The following MYO1B variants were observed in gnomAD, a reference collection of about 807,000 sequenced individuals.
The protein encoded by MYO1B is myosin IB.
A neutral mutation model predicts 159.7 loss-of-function variants in MYO1B; 72 were observed. That is an observed-to-expected ratio of 0.45 (90% CI 0.37 to 0.55). The LOEUF (loss-of-function observed/expected upper bound fraction) is 0.55, where lower values mean the gene tolerates loss of function less well. Ranked by LOEUF, MYO1B falls within the 20% of genes least tolerant of loss-of-function variation. The pLI, the probability that MYO1B is intolerant of heterozygous loss-of-function variation, is 0.00. For missense variants in MYO1B, 1,062 were observed against 1,364.8 expected, an observed-to-expected ratio of 0.78 and a Z score of 3.50; for synonymous variants, 468 against 473.8, an observed-to-expected ratio of 0.99 and a Z score of 0.16.
At chr2:191,299,123 T>C (rs181710409) in intron 3 of MYO1B, among the ~76,000 whole-genome samples, 80 of 152,276 alleles carry the variant, frequency 5.3e-4, no homozygotes, top group Non-Finnish European at 7.3e-4. Flanking sequence ...AGAAGTCTAT[T>C]CTAGGTCATA....
At chr2:191,383,152 C>G in intron 14 of MYO1B, 128 bp from the exon 15 acceptor site, 1 of 536,324 alleles carries the variant, frequency 1.9e-6, no homozygotes, top group East Asian at 4.1e-5. Context: ...TTTGCAGTAC[C>G]CATTCTATAA....
chr2:191,259,913 C>G (rs1686691905), intron 1 of MYO1B, among the ~76,000 whole-genome samples: 1 of 151,968 alleles, frequency 6.6e-6, no homozygotes, highest in Non-Finnish European at 1.5e-5. Flanking sequence ...AATGCAAGGT[C>G]CGGAGCTTAG....
chr2:191,361,346 G>T (rs1693659780), intron 8 of MYO1B, among the ~76,000 whole-genome samples: 1 of 152,132 alleles, frequency 6.6e-6, no homozygotes, highest in Admixed American at 6.6e-5. Flanking sequence ...TAAGAATAGT[G>T]GGGAAGACAT....
intron 2 of MYO1B, among the ~76,000 whole-genome samples, chr2:191,280,404 T>G (rs952366599): frequency 2.6e-5 from 4 of 152,236 alleles, no homozygotes; most frequent in Non-Finnish European, 5.9e-5. Context: ...ACTTTGTGAC[T>G]TACTGTCTGC....
chr2:191,307,466 G>A (rs1232533858), intron 3 of MYO1B, among the ~76,000 whole-genome samples: 3 of 152,018 alleles, frequency 2.0e-5, no homozygotes, highest in African/African-American at 7.3e-5. Context: ...CTGTATCTTG[G>A]GCTGACCTTC....
intron 3 of MYO1B, 105 bp downstream of exon 3, chr2:191,296,331 A>G: frequency 2.9e-6 from 1 of 345,346 alleles, no homozygotes. Flanking sequence ...TGTTTTTGTC[A>G]GTTTTTTTTA....
At chr2:191,419,167 A>G (rs916585844) in intron 30 of MYO1B, among the ~76,000 whole-genome samples, 5 of 152,204 alleles carry the variant, frequency 3.3e-5, no homozygotes, top group Non-Finnish European at 1.5e-5. Flanking sequence ...TATGTACAAT[A>G]TGTAACTCTT....
At chr2:191,285,910 G>A (rs1046444386) in intron 2 of MYO1B, among the ~76,000 whole-genome samples, 1 of 152,112 alleles carries the variant, frequency 6.6e-6, no homozygotes, top group Non-Finnish European at 1.5e-5. Flanking sequence ...GGGTTCCTAG[G>A]TGAGTTCATT....
chr2:191,249,737 G>A (rs1686000355), intron 1 of MYO1B, among the ~76,000 whole-genome samples: 1 of 152,208 alleles, frequency 6.6e-6, no homozygotes, highest in Admixed American at 6.5e-5. Context: ...TGGAAGTTCT[G>A]CCTTGTTTAT....
At chr2:191,394,435 G>T (rs58055998) in intron 20 of MYO1B, among the ~76,000 whole-genome samples, 2,411 of 152,312 alleles carry the variant, frequency 0.016, 64 homozygotes, top group African/African-American at 0.055. Flanking sequence ...ATTAAGAAAA[G>T]TTTACAAGTG....
At chr2:191,338,552 C>T (rs1692004757) in intron 4 of MYO1B, among the ~76,000 whole-genome samples, 1 of 152,238 alleles carries the variant, frequency 6.6e-6, no homozygotes, top group South Asian at 2.1e-4. Context: ...AGAACTTGAT[C>T]CCATCTTGTT....
intron 1 of MYO1B, among the ~76,000 whole-genome samples, chr2:191,261,803 A>G (rs1686828151): frequency 6.6e-6 from 1 of 152,204 alleles, no homozygotes; most frequent in Non-Finnish European, 1.5e-5. Flanking sequence ...TTTATAGAAG[A>G]AAGACCATTG....
chr2:191,373,009 G>A lies in MYO1B; in HGVS notation c.1185+2717G>A, dbSNP rs77171141. 2.3e-3 allele frequency among the ~76,000 whole-genome samples: 317 copies of A among 140,016 alleles called. 1 individual carries two copies. The highest frequency in any genetic ancestry group is 7.9e-3 in the African/African-American group (300 of 38,078). The allele number at this position is 140,016 out of a possible 152,430, so 91.9% of individuals were successfully genotyped here. On this transcript the variant is annotated intron_variant, in intron 13 of 30. Transcript: ENST00000392318. ...TCAAGTGATTTTCCTGCAGCACCAC[G>A]CCCAGCTAATTTTTGTATTTTTAGT...
In MYO1B at chr2:191,387,378, C is replaced by T; in HGVS notation, c.1709C>T (p.Ala570Val). 1 of 1,614,216 alleles carries T rather than the reference C, an allele frequency of 6.2e-7. No homozygotes were observed. The highest frequency in any genetic ancestry group is 1.1e-5 in the South Asian group (1 of 91,080). ...AKINLKRPPT[A>V]GSQFKASVAT... ...ATCAACCTGAAAAGGCCTCCTACAGCAGGCTCACAGTTCAAGGCATCCGTG... is the reference window on the plus strand; with the variant it reads ...ATCAACCTGAAAAGGCCTCCTACAGTAGGCTCACAGTTCAAGGCATCCGTG... Residue 570 changes from alanine (A) to valine (V), a missense_variant, in exon 17 of 31, where the codon GCA becomes GTA. Around this residue, in one of 5 missense-constraint regions of MYO1B, gnomAD observed 609 missense variants for 744.4 expected, o/e 0.82. Transcript: ENST00000392318.
chr2:191,271,187 G>A (rs1203905392), intron 1 of MYO1B, among the ~76,000 whole-genome samples: 1 of 152,210 alleles, frequency 6.6e-6, no homozygotes, highest in Non-Finnish European at 1.5e-5. Flanking sequence ...ACTGGAGTCA[G>A]ATAAAACACA....
chr2:191,419,881 G>T (rs529348790), intron 30 of MYO1B, among the ~76,000 whole-genome samples: 309 of 152,272 alleles, frequency 2.0e-3, no homozygotes, highest in African/African-American at 7.2e-3. Flanking sequence ...AAAGTATTGT[G>T]TTTTAAGCTA....
In MYO1B at chr2:191,372,551, T is replaced by C. The variant is rs974235437; in HGVS notation, c.1185+2259T>C. Among the ~76,000 whole-genome samples the C allele has an allele frequency of 3.9e-5, 6 of 152,320 alleles. No homozygotes were observed. The East Asian group carries it at 9.6e-4, about 24-fold the overall frequency. On this transcript the variant is annotated intron_variant, in intron 13 of 30. Transcript: ENST00000392318. ...GGAGCTTAGAGTCTTAGCCCTAAGA[T>C]TGAGAGTCTGTGGCTGCCAGAGGAT... is the stretch of plus-strand genomic sequence containing the variant.
At chr2:191,247,631 C>A (rs1057438935) in intron 1 of MYO1B, among the ~76,000 whole-genome samples, 1 of 152,168 alleles carries the variant, frequency 6.6e-6, no homozygotes, top group Non-Finnish European at 1.5e-5. Flanking sequence ...CAGAGGGAGA[C>A]TTTTTGTTGT....
intron 2 of MYO1B, among the ~76,000 whole-genome samples, chr2:191,287,769 C>T (rs1688465054): frequency 6.6e-6 from 1 of 152,134 alleles, no homozygotes; most frequent in African/African-American, 2.4e-5. Context: ...ATCTAAGCCC[C>T]TCATCCCCCA....
Sources: allele counts gnomAD v4.1 joint callset (sites outside exome capture counted in the v4.1 genomes callset), GRCh38; gene constraint gnomAD v4.1.1; regional missense constraint gnomAD v4.1.1; transcripts MANE v1.5; gene names NCBI Gene and HGNC (gene_info 2026-07-23, HGNC 2026-07-21).